ACACB: variants seen among roughly 807,000 people sequenced by gnomAD.
ACACB encodes acetyl-CoA carboxylase beta.
ACACB carries 209 observed loss-of-function variants against 278.8 expected under a neutral mutation model. The ratio of observed to expected loss-of-function variants is 0.75; its 90% CI spans 0.67 to 0.84. The LOEUF is 0.84. ACACB is among the 40% of genes least tolerant of loss of function. The pLI is 0.00. For synonymous variants in ACACB, 1,174 were observed against 1,285.6 expected (o/e 0.91, Z 1.86); for missense variants, 2,850 against 3,269.0 (o/e 0.87, Z 3.13).
chr12:109,204,271 CTTTTT>C (rs58720572), intron 19 of ACACB, among the ~76,000 whole-genome samples: 2 of 93,142 alleles, frequency 2.1e-5, no homozygotes, highest in African/African-American at 4.2e-5. Context: ...AATACTATAT[CTTTTT>C]TTTTTTTTTT....
chr12:109,193,108 T>G (rs1428142955), intron 15 of ACACB, among the ~76,000 whole-genome samples: 1 of 152,212 alleles, frequency 6.6e-6, no homozygotes, highest in African/African-American at 2.4e-5. Flanking sequence ...CTGAAAAGCC[T>G]TTGTAAGATT....
In ACACB at chr12:109,267,606, G is replaced by A. The variant is rs566499796; in HGVS notation, c.*1244G>A. 19 of 152,476 alleles carry A rather than the reference G, an allele frequency of 1.2e-4. No homozygotes were observed. The highest frequency in any genetic ancestry group is 7.7e-4 in the East Asian group (4 of 5,184). The allele number at this position is 152,476 out of a possible 1,614,324, so 9.4% of individuals were successfully genotyped here. On this transcript the variant is annotated 3_prime_UTR_variant, in exon 53 of 53. Coordinates refer to ENST00000338432, the MANE Select transcript of ACACB (RefSeq NM_001093.4). ...CCACTTGAGTTACTGTTGCTTCCTCGCCTGCTGGCTTGATGAGCACCGATG... is the reference window on the plus strand; with the variant it reads ...CCACTTGAGTTACTGTTGCTTCCTCACCTGCTGGCTTGATGAGCACCGATG...
chr12:109,179,055 A>G (rs1321085264), intron 9 of ACACB, 33 bp from the exon 10 acceptor site: 3 of 1,597,276 alleles, frequency 1.9e-6, no homozygotes, highest in Non-Finnish European at 2.6e-6. Flanking sequence ...TGGTTTCCCC[A>G]TGAAGATCAG....
chr12:109,192,846 A>G (rs946988120), intron 15 of ACACB, among the ~76,000 whole-genome samples: 2 of 151,950 alleles, frequency 1.3e-5, no homozygotes, highest in Non-Finnish European at 2.9e-5. Flanking sequence ...AACTTTTTGC[A>G]TAGATGGGGT....
At chr12:109,162,147 T>C (rs1328090088) in intron 2 of ACACB, among the ~76,000 whole-genome samples, 1 of 152,092 alleles carries the variant, frequency 6.6e-6, no homozygotes, top group East Asian at 1.9e-4. Flanking sequence ...CAGCTACTTT[T>C]TGTGTTTTTT....
intron 19 of ACACB, among the ~76,000 whole-genome samples, chr12:109,204,890 A>G (rs1220970530): frequency 2.0e-5 from 3 of 152,094 alleles, no homozygotes; most frequent in Non-Finnish European, 4.4e-5. Context: ...TCTGTCACCC[A>G]GGCTGGTGTG....
At chr12:109,195,603 A>G (rs1462609441) in intron 16 of ACACB, among the ~76,000 whole-genome samples, 1 of 152,244 alleles carries the variant, frequency 6.6e-6, no homozygotes, top group Non-Finnish European at 1.5e-5. Context: ...TAAACATTTT[A>G]GCAAATCTTT....
intron 47 of ACACB, 56 bp downstream of exon 47, chr12:109,259,164 G>A (rs1480871246): frequency 1.1e-5 from 17 of 1,582,336 alleles, no homozygotes; most frequent in Non-Finnish European, 1.5e-5. Flanking sequence ...ACCCAGGACA[G>A]CACCCTCTGG....
upstream of ACACB, chr12:109,113,414 A>C (rs1398798579): frequency 2.0e-5 from 3 of 152,346 alleles, no homozygotes; most frequent in East Asian, 5.8e-4. Flanking sequence ...CTCCCTTTTC[A>C]GGTGAGTTAG....
intron 1 of ACACB, among the ~76,000 whole-genome samples, chr12:109,123,307 G>C (rs1341456042): frequency 1.3e-5 from 2 of 152,090 alleles, no homozygotes; most frequent in East Asian, 3.8e-4. Flanking sequence ...GCAGATATCA[G>C]TGTCTTTATC....
In ACACB at chr12:109,259,051, G is replaced by C; in HGVS notation, c.6439G>C (p.Glu2147Gln). Residue 2147 changes from glutamate (E) to glutamine (Q), a missense_variant, in exon 47 of 53, where the codon GAG (glutamate) becomes CAG (glutamine). Transcript: ENST00000338432. Reference protein sequence around the residue: ...TAQAVKDFNREKLPLMIFANW... With the variant: ...TAQAVKDFNRQKLPLMIFANW... ...CCAGGCCGTCAAGGACTTCAACCGG[G>C]AGAAGTTGCCCCTGATGATCTTTGC... is the stretch of plus-strand genomic sequence containing the variant. 6.2e-7 allele frequency: 1 copy of C among 1,614,156 alleles called. No homozygotes were observed. Among genetic ancestry groups the C allele is most frequent in the South Asian group, 1.1e-5 (1 of 91,072 alleles).
intron 36 of ACACB, chr12:109,241,639 G>T: frequency 3.5e-6 from 1 of 287,816 alleles, no homozygotes; most frequent in Non-Finnish European, 6.8e-6. Flanking sequence ...GAGCCACCAC[G>T]CCTGGCCATA....
In ACACB at chr12:109,198,565, G is replaced by A. The variant is rs151124735; in HGVS notation, c.2628-837G>A. ...ACAATGATTAGCCAAGTGTGGTGGC[G>A]TGTGCCTGTAGTCCCAGCAATTTAG... On this transcript the variant is annotated intron_variant, in intron 17 of 52. Transcript: ENST00000338432. 4.6e-3 allele frequency among the ~76,000 whole-genome samples: 707 copies of A among 152,220 alleles called. 7 individuals carry two copies. The highest frequency in any genetic ancestry group is 0.016 in the African/African-American group (674 of 41,554).
chr12:109,223,229 C>A (rs980205410), intron 26 of ACACB, among the ~76,000 whole-genome samples: 29 of 152,164 alleles, frequency 1.9e-4, no homozygotes, highest in African/African-American at 6.8e-4. Flanking sequence ...GGCTGAGTCG[C>A]GGCCTCATCT....
intron 2 of ACACB, among the ~76,000 whole-genome samples, chr12:109,151,252 G>C (rs1486915345): frequency 6.6e-6 from 1 of 151,990 alleles, no homozygotes; most frequent in African/African-American, 2.4e-5. Context: ...CAAAGTGCTG[G>C]GATTACAGGT....
In ACACB at chr12:109,176,166, T is replaced by C. The variant is rs1593471913; in HGVS notation, c.1340T>C (p.Ile447Thr). 6.2e-7 allele frequency: 1 copy of C among 1,614,118 alleles called. No individual in the cohort carries two copies. Among genetic ancestry groups the C allele is most frequent in the East Asian group, 2.2e-5 (1 of 44,882 alleles). Residue 447 changes from isoleucine (I) to threonine (T), a missense_variant, in exon 9 of 53, where the codon ATT (isoleucine) becomes ACT (threonine). This residue lies in a region of ACACB where 2,265 missense variants were observed against 2,561.3 expected (regional missense o/e 0.88). Transcript: ENST00000338432. Reference protein sequence around the residue: ...VDEGLEAAERIGFPLMIKASE... With the variant: ...VDEGLEAAERTGFPLMIKASE... ...CTTTGCACCCAGGCAGCAGAAAGAA[T>C]TGGTTTTCCATTGATGATCAAAGCT...
At position 109,246,364 on chromosome 12, in the gene ACACB, C is replaced by A. The variant is rs1302018010; in HGVS notation, c.5487C>A (p.Ala1829=). The part of the protein sequence containing the change: ...AEGIPKIYVA[A]NSGARIGMAE... Reference sequence around the variant, plus strand: ...GCATTCCCAAAATTTACGTGGCAGCCAACAGTGGCGCCCGTATTGGCATGG... The same window carrying A: ...GCATTCCCAAAATTTACGTGGCAGCAAACAGTGGCGCCCGTATTGGCATGG... Residue 1829 remains alanine, a synonymous_variant, in exon 39 of 53, where the codon GCC becomes GCA. Transcript: ENST00000338432. 1 of 1,613,340 alleles carries A rather than the reference C, an allele frequency of 6.2e-7. No individual in the cohort carries two copies. The highest frequency in any genetic ancestry group is 2.2e-5 in the East Asian group (1 of 44,854).
rs2045645792 is a variant in ACACB at position 109,209,910 on chromosome 12, C to CATGTGTGTATATATGTGTAT, written c.3249+558_3249+559insTGTGTGTATATATGTGTATA. ...ATATATGTATATACACACATACACA[C>CATGTGTGTATATATGTGTAT]ACGTGTGTATATATGTGTATACACA... is the stretch of plus-strand genomic sequence containing the variant. On this transcript the variant is annotated intron_variant, in intron 21 of 52. Coordinates refer to ENST00000338432, the MANE Select transcript of ACACB (RefSeq NM_001093.4). Among the ~76,000 whole-genome samples the CATGTGTGTATATATGTGTAT allele has an allele frequency of 1.9e-5, 2 of 104,300 alleles. 1 individual carries two copies. The highest frequency in any genetic ancestry group is 1.8e-4 in the Admixed American group (2 of 11,184). The allele number at this position is 104,300 out of a possible 152,430, so 68.4% of individuals were successfully genotyped here.
At chr12:109,158,218 G>A (rs34267) in intron 2 of ACACB, among the ~76,000 whole-genome samples, 136,085 of 152,218 alleles carry the variant, frequency 0.89, 61,099 homozygotes, top group Middle Eastern at 0.94. Context: ...GGTCTCTGTT[G>A]TAACTACTCA....
Sources: gnomAD v4.1 joint callset for allele counts (sites outside exome capture counted in the v4.1 genomes callset) on GRCh38, gnomAD v4.1.1 for gene constraint, gnomAD v4.1.1 regional missense constraint, MANE v1.5 for transcripts, NCBI Gene and HGNC (gene_info 2026-07-23, HGNC 2026-07-21) for gene names.